The following EYA1 variants were observed in gnomAD, a reference collection of about 807,000 sequenced individuals.
EYA1 encodes EYA transcriptional coactivator and phosphatase 1.
Under a neutral mutation model 82.0 loss-of-function variants are expected in EYA1, and 16 were observed. The observed-to-expected ratio is 0.20, with a 90% CI of 0.13 to 0.30. The LOEUF (loss-of-function observed/expected upper bound fraction) is 0.30. Among genes scored for constraint, EYA1 ranks in the 10% least tolerant of loss-of-function variants. EYA1 has a pLI of 1.00. For synonymous variants in EYA1, 261 were observed against 264.4 expected, an observed-to-expected ratio of 0.99 and a Z score of 0.12; for missense variants, 633 against 730.7, an observed-to-expected ratio of 0.87 and a Z score of 1.54.
At chr8:71,396,977 T>C (rs1829660350) in intron 2 of EYA1, among the ~76,000 whole-genome samples, 1 of 152,232 alleles carries the variant, frequency 6.6e-6, no homozygotes, top group Non-Finnish European at 1.5e-5. Context: ...TGCTCCTGTA[T>C]TGGATGCATA....
intron 2 of EYA1, among the ~76,000 whole-genome samples, chr8:71,431,292 C>A (rs1805600084): frequency 2.0e-5 from 3 of 152,170 alleles, no homozygotes. Context: ...GCATCTCTCT[C>A]ACATGACCTA....
chr8:71,264,539 A>G (rs1235039838), intron 11 of EYA1, among the ~76,000 whole-genome samples: 1 of 152,036 alleles, frequency 6.6e-6, no homozygotes, highest in East Asian at 1.9e-4. Context: ...TGCCATTAAT[A>G]AGACTCTGTG....
At chr8:71,337,401 T>G (rs1824624530) in intron 3 of EYA1, among the ~76,000 whole-genome samples, 1 of 152,142 alleles carries the variant, frequency 6.6e-6, no homozygotes, top group African/African-American at 2.4e-5. Flanking sequence ...TATTCATCCT[T>G]TAAAAATATT....
chr8:71,545,662 C>T (rs907007922), intron 1 of EYA1, among the ~76,000 whole-genome samples: 4 of 150,144 alleles, frequency 2.7e-5, no homozygotes, highest in Non-Finnish European at 5.9e-5. Flanking sequence ...CCCCGGTTCA[C>T]GCCATTCTCT....
intron 17 of EYA1, among the ~76,000 whole-genome samples, chr8:71,205,748 G>C (rs141600191): frequency 6.6e-6 from 1 of 152,150 alleles, no homozygotes; most frequent in East Asian, 1.9e-4. Flanking sequence ...TTACTTACTG[G>C]GTTTTGTTTC....
chr8:71,514,886 T>G (rs12334481), intron 2 of EYA1, among the ~76,000 whole-genome samples: 12,280 of 152,172 alleles, frequency 0.081, 560 homozygotes, highest in East Asian at 0.12. Context: ...TCATTTAAAG[T>G]TTTATTTTCA....
intron 2 of EYA1, chr8:71,449,217 C>T (rs1807153978): frequency 6.3e-6 from 1 of 159,278 alleles, no homozygotes; most frequent in African/African-American, 2.4e-5. Context: ...AGCTTCCAGA[C>T]ATTGTCTTCA....
chr8:71,386,675 A>G (rs1381222497), intron 2 of EYA1, among the ~76,000 whole-genome samples: 1 of 152,200 alleles, frequency 6.6e-6, no homozygotes, highest in African/African-American at 2.4e-5. Context: ...TGTATAATCC[A>G]ATTGCTGGAC....
At chr8:71,434,187 C>T (rs1026636533) in intron 2 of EYA1, among the ~76,000 whole-genome samples, 7 of 152,176 alleles carry the variant, frequency 4.6e-5, no homozygotes, top group South Asian at 4.1e-4. Flanking sequence ...TGGTTACCTA[C>T]CCTCGATGAG....
chr8:71,329,109 G>A (rs978890415), intron 4 of EYA1, among the ~76,000 whole-genome samples: 2 of 152,118 alleles, frequency 1.3e-5, no homozygotes, highest in Non-Finnish European at 2.9e-5. Context: ...TAACTACAGA[G>A]GCATGTGGTG....
chr8:71,321,042 G>A (rs762340361), intron 6 of EYA1, among the ~76,000 whole-genome samples: 1 of 152,084 alleles, frequency 6.6e-6, no homozygotes, highest in Non-Finnish European at 1.5e-5. Flanking sequence ...TGGAAGAAAA[G>A]GTATTTTGAA....
intron 11 of EYA1, 104 bp downstream of exon 11, chr8:71,269,636 T>C (rs1290471356): frequency 1.0e-5 from 8 of 779,724 alleles, no homozygotes; most frequent in Non-Finnish European, 1.7e-5. Flanking sequence ...TCTCCATTTA[T>C]ATTTTAAATT....
intron 9 of EYA1, among the ~76,000 whole-genome samples, chr8:71,291,170 G>A (rs1818953402): frequency 6.6e-6 from 1 of 152,142 alleles, no homozygotes; most frequent in African/African-American, 2.4e-5. Flanking sequence ...AAGTACAGAC[G>A]AGACTCAAAT....
At chr8:71,545,284 T>A (rs1273361747) in intron 1 of EYA1, among the ~76,000 whole-genome samples, 2 of 152,186 alleles carry the variant, frequency 1.3e-5, no homozygotes, top group African/African-American at 4.8e-5. Flanking sequence ...TATAAGCACT[T>A]CATAAAGGAT....
intron 2 of EYA1, among the ~76,000 whole-genome samples, chr8:71,463,539 C>T (rs1326616480): frequency 1.3e-5 from 2 of 150,206 alleles, no homozygotes; most frequent in Non-Finnish European, 3.0e-5. Context: ...TGAAATCACA[C>T]ATTATGCTTA....
At chr8:71,462,480 A>G (rs890449237) in intron 2 of EYA1, among the ~76,000 whole-genome samples, 1 of 152,146 alleles carries the variant, frequency 6.6e-6, no homozygotes, top group South Asian at 2.1e-4. Context: ...AAGTGTACAG[A>G]GGTGCAAAGA....
chr8:71,233,302 T>C (rs186925733), intron 12 of EYA1, among the ~76,000 whole-genome samples: 250 of 152,248 alleles, frequency 1.6e-3, no homozygotes, highest in East Asian at 8.3e-3. Context: ...CGGTGGCTCA[T>C]GCCTGTAATC....
At chr8:71,271,961 T>C in intron 9 of EYA1, 64 bp from the exon 10 acceptor site, 1 of 1,582,538 alleles carries the variant, frequency 6.3e-7, no homozygotes. Context: ...AGATTAGCCT[T>C]GTTTTAATTC....
intron 1 of EYA1, among the ~76,000 whole-genome samples, chr8:71,543,554 G>A (rs756808922): frequency 1.5e-4 from 23 of 152,154 alleles, no homozygotes; most frequent in Non-Finnish European, 2.6e-4. Flanking sequence ...TCTTCACTGG[G>A]TATAATATCT....
Sources: gnomAD v4.1 joint callset for allele counts (sites outside exome capture counted in the v4.1 genomes callset) on GRCh38, gnomAD v4.1.1 for gene constraint, MANE v1.5 for transcripts, NCBI Gene and HGNC (gene_info 2026-07-23, HGNC 2026-07-21) for gene names.